Variants in EFR3A observed in about 807,000 individuals in gnomAD.
EFR3A encodes protein EFR3 homolog A.
A neutral mutation model predicts 104.4 loss-of-function variants in EFR3A; 76 were observed. The ratio of observed to expected loss-of-function variants is 0.73; its 90% CI spans 0.60 to 0.88. The LOEUF (loss-of-function observed/expected upper bound fraction) is 0.88, where lower values mean the gene tolerates loss of function less well. Ranked by LOEUF, EFR3A falls within the 40% of genes least tolerant of loss-of-function variation. The pLI is 0.00. For missense variants in EFR3A, 985 were observed against 1,012.5 expected (o/e 0.97, Z 0.37); for synonymous variants, 330 against 330.0 (o/e 1.00, Z 0.00).
rs1268650297 is a variant in EFR3A at position 131,986,270 on chromosome 8, A to AT, written c.1937+11dup. ...TTCAGAGATAAGTGCATGTATGTTA[A>AT]TTCTTTACATTTTAAGGATGGGGTA... is the stretch of plus-strand genomic sequence containing the variant. On this transcript the variant is annotated intron_variant, in intron 17 of 22. Transcript: ENST00000254624. 1.4e-6 allele frequency: 2 copies of AT among 1,479,498 alleles called. No homozygotes were observed. The highest frequency in any genetic ancestry group is 2.4e-5 in the South Asian group (2 of 84,196). 91.6% of individuals were successfully genotyped at this position (1,479,498 alleles called of 1,614,324 possible).
chr8:131,969,231 A>G (rs1819919773), intron 9 of EFR3A, among the ~76,000 whole-genome samples: 1 of 152,190 alleles, frequency 6.6e-6, no homozygotes, highest in Non-Finnish European at 1.5e-5. Context: ...GAAATACAGA[A>G]GTTTGAAGGA....
chr8:131,946,447 A>T, intron 3 of EFR3A, 36 bp from the exon 4 acceptor site: 1 of 1,501,286 alleles, frequency 6.7e-7, no homozygotes, highest in Non-Finnish European at 8.9e-7. Flanking sequence ...TAAGAGAGGT[A>T]GAAATGCTTT....
chr8:131,983,202 A>G (rs1036778761), intron 14 of EFR3A, among the ~76,000 whole-genome samples: 4 of 152,186 alleles, frequency 2.6e-5, no homozygotes, highest in Admixed American at 1.3e-4. Context: ...AAGTCTCTCC[A>G]CATGGGAAAA....
chr8:131,962,073 A>G (rs1340429044), intron 8 of EFR3A, among the ~76,000 whole-genome samples: 1 of 152,210 alleles, frequency 6.6e-6, no homozygotes, highest in Non-Finnish European at 1.5e-5. Flanking sequence ...TAAACATGGA[A>G]AGGAACAACC....
At chr8:132,007,229 A>T (rs1340147878) in intron 22 of EFR3A, among the ~76,000 whole-genome samples, 1 of 151,930 alleles carries the variant, frequency 6.6e-6, no homozygotes, top group Non-Finnish European at 1.5e-5. Context: ...GTATGTGGAA[A>T]ATCGTAAGTA....
intron 2 of EFR3A, among the ~76,000 whole-genome samples, chr8:131,943,396 A>G (rs565825219): frequency 9.7e-4 from 147 of 152,172 alleles, no homozygotes; most frequent in African/African-American, 3.3e-3. Context: ...TAGGAGAGAC[A>G]CAATTTTATT....
intron 22 of EFR3A, among the ~76,000 whole-genome samples, chr8:132,006,500 A>G (rs1428411424): frequency 2.6e-5 from 4 of 152,124 alleles, no homozygotes; most frequent in Non-Finnish European, 5.9e-5. Context: ...AAGTAGTAAA[A>G]CATCCAAATA....
chr8:131,949,117 A>G lies in EFR3A; in HGVS notation c.367-852A>G, dbSNP rs544525101. On this transcript the variant is annotated intron_variant, in intron 4 of 22. Coordinates refer to ENST00000254624, the MANE Select transcript of EFR3A (RefSeq NM_015137.6). ...TCAAGAAAGAAAAATACTAAATAAT[A>G]TCAATAAATGATAATATAATTTTTG... Among the ~76,000 whole-genome samples the G allele has an allele frequency of 1.1e-3, 175 of 152,242 alleles. 1 individual carries two copies. The highest frequency in any genetic ancestry group is 5.7e-4 in the Non-Finnish European group (39 of 68,004).
At chr8:131,990,050 A>G (rs1025854075) in intron 18 of EFR3A, among the ~76,000 whole-genome samples, 1 of 152,174 alleles carries the variant, frequency 6.6e-6, no homozygotes, top group African/African-American at 2.4e-5. Flanking sequence ...CAACTCATAC[A>G]GTTATTTAAG....
chr8:131,990,822 G>C (rs1308339299), intron 18 of EFR3A, among the ~76,000 whole-genome samples: 2 of 152,142 alleles, frequency 1.3e-5, no homozygotes, highest in Middle Eastern at 3.2e-3. Context: ...CATTTGATTG[G>C]TATGGAGAGA....
chr8:131,947,632 A>T lies in EFR3A; in HGVS notation c.366+999A>T, dbSNP rs1818506089. 3.3e-5 allele frequency among the ~76,000 whole-genome samples: 5 copies of T among 151,894 alleles called. No individual in the cohort carries two copies. The South Asian group carries it at 1.0e-3, about 31-fold the overall frequency. On this transcript the variant is annotated intron_variant, in intron 4 of 22. Transcript: ENST00000254624. ...CTAAGAAACTATTGCCTAATCCAAC[A>T]TCAGAAAGGTTTACTCCTATAGTTT... is the stretch of plus-strand genomic sequence containing the variant.
chr8:132,008,275 A>T (rs184633981), intron 22 of EFR3A, among the ~76,000 whole-genome samples: 93 of 152,210 alleles, frequency 6.1e-4, no homozygotes, highest in Non-Finnish European at 1.0e-3. Flanking sequence ...GAATGTTTGA[A>T]TCGCCAATAA....
chr8:132,003,416 A>G, intron 22 of EFR3A, 131 bp downstream of exon 22: 9 of 844,212 alleles, frequency 1.1e-5, no homozygotes, highest in Non-Finnish European at 1.5e-5. Flanking sequence ...GGATTAACAT[A>G]AGATCATATA....
At chr8:131,920,596 G>A (rs951321660) in intron 1 of EFR3A, among the ~76,000 whole-genome samples, 2 of 152,122 alleles carry the variant, frequency 1.3e-5, no homozygotes, top group Non-Finnish European at 2.9e-5. Flanking sequence ...TTGTACGTCT[G>A]GAGAGCAGTG....
intron 1 of EFR3A, among the ~76,000 whole-genome samples, chr8:131,908,584 G>A (rs1158226664): frequency 6.6e-6 from 1 of 152,120 alleles, no homozygotes; most frequent in East Asian, 1.9e-4. Flanking sequence ...TATTTGACCT[G>A]TTTTAGAAGA....
intron 1 of EFR3A, chr8:131,935,385 G>A (rs1817823657): frequency 7.6e-6 from 2 of 263,234 alleles, no homozygotes; most frequent in South Asian, 6.6e-5. Flanking sequence ...TCATATTCTG[G>A]TGGTGAAGAC....
intron 8 of EFR3A, among the ~76,000 whole-genome samples, chr8:131,966,540 G>A (rs145199686): frequency 8.5e-4 from 130 of 152,240 alleles, no homozygotes; most frequent in African/African-American, 3.0e-3. Context: ...CAATTTGGGT[G>A]CTTTATACAA....
chr8:131,920,849 A>G (rs1277762685), intron 1 of EFR3A, among the ~76,000 whole-genome samples: 2 of 152,166 alleles, frequency 1.3e-5, no homozygotes, highest in Non-Finnish European at 2.9e-5. Flanking sequence ...AAGTGTAAAT[A>G]ACAATACCTA....
intron 12 of EFR3A, among the ~76,000 whole-genome samples, chr8:131,978,468 C>G (rs895306528): frequency 2.0e-5 from 3 of 152,126 alleles, no homozygotes; most frequent in East Asian, 3.9e-4. Context: ...TACTTTTACT[C>G]TTTGTCACCT....
Sources: gnomAD v4.1 joint callset for allele counts (sites outside exome capture counted in the v4.1 genomes callset) on GRCh38, gnomAD v4.1.1 for gene constraint, MANE v1.5 for transcripts, NCBI Gene and HGNC (gene_info 2026-07-23, HGNC 2026-07-21) for gene names.